The following FBXO42 variants were observed in gnomAD, a reference collection of about 807,000 sequenced individuals.
FBXO42 encodes F-box protein 42, also known as F-box only protein 42.
FBXO42 carries 12 observed loss-of-function variants against 71.7 expected under a neutral mutation model. The ratio of observed to expected loss-of-function variants is 0.17; its 90% CI spans 0.11 to 0.27. The LOEUF is 0.27. Among genes scored for constraint, FBXO42 ranks in the 10% least tolerant of loss-of-function variants. FBXO42 has a pLI of 1.00. For synonymous variants in FBXO42, 325 were observed against 327.5 expected, an observed-to-expected ratio of 0.99 and a Z score of 0.08; for missense variants, 707 against 911.9, an observed-to-expected ratio of 0.78 and a Z score of 2.89.
intron 1 of FBXO42, among the ~76,000 whole-genome samples, chr1:16,345,904 C>T (rs546225586): frequency 6.7e-6 from 1 of 149,820 alleles, no homozygotes; most frequent in East Asian, 2.0e-4. Context: ...AATTTCACTT[C>T]AATGACAGGT....
chr1:16,268,263 T>A (rs944740382), intron 4 of FBXO42, among the ~76,000 whole-genome samples: 1 of 152,166 alleles, frequency 6.6e-6, no homozygotes, highest in African/African-American at 2.4e-5. Context: ...TGAAATATGG[T>A]AAAATCTTAC....
rs1420240928 is a variant in FBXO42 at position 16,256,588 on chromosome 1, T to C, written c.656+18A>G. On this transcript the variant is annotated intron_variant, in intron 5 of 9. Coordinates refer to ENST00000375592, the MANE Select transcript of FBXO42 (RefSeq NM_018994.3). ...GGCCTTTTCTTCCAGATTTAAAGAG[T>C]TTATCTTTGTGACTTACCAATTTTT... 6.2e-7 allele frequency: 1 copy of C among 1,611,924 alleles called. No homozygotes were observed. The highest frequency in any genetic ancestry group is 1.7e-5 in the Admixed American group (1 of 59,890).
chr1:16,260,056 C>T (rs2081693786), intron 4 of FBXO42, among the ~76,000 whole-genome samples: 1 of 152,034 alleles, frequency 6.6e-6, no homozygotes, highest in South Asian at 2.1e-4. Flanking sequence ...CAACAGTGTG[C>T]CTATGCTTGG....
In FBXO42 at chr1:16,337,883, CAAAAAAAAAAAAAAAAAAAA is replaced by C. The variant is rs60328879; in HGVS notation, c.-18+14352_-18+14371del. Among the ~76,000 whole-genome samples, 18 of 38,858 alleles carry C rather than the reference CAAAAAAAAAAAAAAAAAAAA, an allele frequency of 4.6e-4. No individual in the cohort carries two copies. In the South Asian group the frequency reaches 5.0e-3, roughly 11 times the overall value. 25.5% of individuals were successfully genotyped at this position (38,858 alleles called of 152,430 possible). ...TGGGAGAAAGAGCGAGACTCCGTCT[CAAAAAAAAAAAAAAAAAAAA>C]AAAAAAAAAAAAAGAATAATAGGCC... On this transcript the variant is annotated intron_variant, in intron 1 of 9. Coordinates refer to ENST00000375592, the MANE Select transcript of FBXO42 (RefSeq NM_018994.3).
chr1:16,249,171 C>T lies in FBXO42; in HGVS notation c.*1499G>A. ...CCACTGATGAGAAATCACCAAAAATCCCTATTTAAATGGTGCCATTTGAAA... is the reference window on the plus strand; with the variant it reads ...CCACTGATGAGAAATCACCAAAAATTCCTATTTAAATGGTGCCATTTGAAA... On this transcript the variant is annotated 3_prime_UTR_variant, in exon 10 of 10. Transcript: ENST00000375592. The T allele has an allele frequency of 6.6e-6, 1 of 152,218 alleles. No homozygotes were observed. Among genetic ancestry groups the T allele is most frequent in the East Asian group, 1.9e-4 (1 of 5,202 alleles). 9.4% of individuals were successfully genotyped at this position (152,218 alleles called of 1,614,324 possible). A position where few individuals can be genotyped will look rare whatever the true frequency, so the allele number is the denominator to read the frequency against.
intron 3 of FBXO42, among the ~76,000 whole-genome samples, chr1:16,302,974 G>A (rs145112212): frequency 3.3e-5 from 5 of 152,240 alleles, no homozygotes; most frequent in East Asian, 1.9e-4. Flanking sequence ...GGGACACAGA[G>A]CCAAACCATA....
intron 2 of FBXO42, among the ~76,000 whole-genome samples, chr1:16,310,162 C>T (rs1359651438): frequency 6.7e-6 from 1 of 149,086 alleles, no homozygotes; most frequent in African/African-American, 2.5e-5. Flanking sequence ...CCACTGCACT[C>T]CAGCCTGGGC....
At chr1:16,345,881 T>C (rs61769859) in intron 1 of FBXO42, among the ~76,000 whole-genome samples, 1 of 150,298 alleles carries the variant, frequency 6.7e-6, no homozygotes, top group Non-Finnish European at 1.5e-5. Context: ...CAGGTCTTCT[T>C]AGAAAAACGA....
At chr1:16,306,743 A>G (rs896004719) in intron 2 of FBXO42, among the ~76,000 whole-genome samples, 3 of 152,130 alleles carry the variant, frequency 2.0e-5, no homozygotes, top group African/African-American at 7.2e-5. Flanking sequence ...TCTGCTACCC[A>G]GGCTGCAGTG....
intron 4 of FBXO42, among the ~76,000 whole-genome samples, chr1:16,287,445 T>A (rs2082033827): frequency 6.6e-6 from 1 of 152,202 alleles, no homozygotes; most frequent in South Asian, 2.1e-4. Flanking sequence ...TGTAGTCTCA[T>A]TAGGGCTGAG....
chr1:16,272,966 G>A (rs2081861795), intron 4 of FBXO42, among the ~76,000 whole-genome samples: 1 of 152,114 alleles, frequency 6.6e-6, no homozygotes, highest in East Asian at 1.9e-4. Flanking sequence ...AGATTCCCTA[G>A]AGACAAAGCC....
chr1:16,267,679 A>G (rs2081793648), intron 4 of FBXO42, among the ~76,000 whole-genome samples: 3 of 152,200 alleles, frequency 2.0e-5, no homozygotes, highest in Non-Finnish European at 4.4e-5. Flanking sequence ...CTCAATTGTA[A>G]AAAGGCCAGA....
At chr1:16,274,061 A>G (rs528414197) in intron 4 of FBXO42, among the ~76,000 whole-genome samples, 8 of 152,316 alleles carry the variant, frequency 5.3e-5, no homozygotes, top group African/African-American at 1.9e-4. Context: ...ACACAGAACT[A>G]TACTTTGGGA....
At chr1:16,318,302 C>T (rs1011576304) in intron 1 of FBXO42, among the ~76,000 whole-genome samples, 1 of 152,088 alleles carries the variant, frequency 6.6e-6, no homozygotes, top group Non-Finnish European at 1.5e-5. Context: ...CCTGTAATCC[C>T]AGCTACTCGG....
intron 4 of FBXO42, among the ~76,000 whole-genome samples, chr1:16,271,178 G>A (rs2081839543): frequency 6.6e-6 from 1 of 152,026 alleles, no homozygotes. Context: ...TGAGGTCAGA[G>A]AGATGAGGGG....
chr1:16,267,549 G>A (rs1371101268), intron 4 of FBXO42, among the ~76,000 whole-genome samples: 3 of 152,238 alleles, frequency 2.0e-5, no homozygotes, highest in African/African-American at 4.8e-5. Context: ...GATCAGGGTC[G>A]GCTCCAGCTA....
chr1:16,343,424 T>C (rs1441222304), intron 1 of FBXO42, among the ~76,000 whole-genome samples: 1 of 152,100 alleles, frequency 6.6e-6, no homozygotes, highest in Non-Finnish European at 1.5e-5. Flanking sequence ...CATGTGACTG[T>C]AGTCCCAGCT....
chr1:16,251,776 A>G lies in FBXO42; in HGVS notation c.1048T>C (p.Cys350Arg), dbSNP rs780632457. The G allele has an allele frequency of 6.2e-6, 10 of 1,612,878 alleles. No individual in the cohort carries two copies. The African/African-American group carries it at 8.0e-5, about 13-fold the overall frequency. Residue 350 changes from cysteine (C) to arginine (R), a missense_variant, in exon 10 of 10, where the codon TGT (cysteine) becomes CGT (arginine). Around this residue, in one of 5 missense-constraint regions of FBXO42, gnomAD observed 482 missense variants for 587.1 expected, o/e 0.82. Coordinates refer to ENST00000375592, the MANE Select transcript of FBXO42 (RefSeq NM_018994.3). The surrounding 1 kb of genome is among the most constrained non-coding windows in gnomAD (Gnocchi z 4.5). The part of the protein sequence containing the change: ...WCHPACRVGQ[C>R]VVVFSQAPSG... ...GGAGCCTGGCTGAAGACCACCACAC[A>G]CTGTCCCACCTGGAAGACAAAGGAC...
At chr1:16,254,160 G>T (rs1210373053) in intron 6 of FBXO42, among the ~76,000 whole-genome samples, 1 of 152,090 alleles carries the variant, frequency 6.6e-6, no homozygotes, top group South Asian at 2.1e-4. Context: ...CTCTTTCCAC[G>T]AGGCCTCATC....
Sources: gnomAD v4.1 joint callset for allele counts (sites outside exome capture counted in the v4.1 genomes callset) on GRCh38, gnomAD v4.1.1 for gene constraint, gnomAD v4.1.1 regional missense constraint, Gnocchi (gnomAD v3.1) non-coding constraint, MANE v1.5 for transcripts, NCBI Gene and HGNC (gene_info 2026-07-23, HGNC 2026-07-21) for gene names.